OSTM1: variants seen among roughly 807,000 people sequenced by gnomAD.
The protein encoded by OSTM1 is osteoclastogenesis associated transmembrane protein 1, also known as osteopetrosis-associated transmembrane protein 1.
In OSTM1, 26 loss-of-function variants were observed where a neutral mutation model predicts 35.4. The ratio of observed to expected loss-of-function variants is 0.73; its 90% CI spans 0.54 to 1.02. The LOEUF (loss-of-function observed/expected upper bound fraction) is 1.02, where lower values mean the gene tolerates loss of function less well. Among genes scored for constraint, OSTM1 ranks in the 50% least tolerant of loss-of-function variants. The pLI, the probability that OSTM1 is intolerant of heterozygous loss-of-function variation, is 0.00. For synonymous variants in OSTM1, 181 were observed against 165.0 expected (o/e 1.10, Z -0.75); for missense variants, 366 against 409.6 (o/e 0.89, Z 0.92).
At chr6:108,056,693 C>T (rs1772174646) in intron 2 of OSTM1, among the ~76,000 whole-genome samples, 1 of 152,208 alleles carries the variant, frequency 6.6e-6, no homozygotes, top group African/African-American at 2.4e-5. Flanking sequence ...CCTTGTACAG[C>T]CCCCTTGTGC....
At chr6:108,065,194 A>C (rs1208345997) in intron 1 of OSTM1, among the ~76,000 whole-genome samples, 1 of 150,460 alleles carries the variant, frequency 6.6e-6, no homozygotes, top group East Asian at 2.0e-4. Context: ...TTTTAGAATT[A>C]CCTTCTGAGC....
chr6:108,074,486 C>G lies in OSTM1; in HGVS notation c.166G>C (p.Glu56Gln), dbSNP rs998450900. Residue 56 changes from glutamate to glutamine, a missense_variant, in exon 1 of 6, where the codon GAG (glutamate) becomes CAG (glutamine). Around this residue, in one of 3 missense-constraint regions of OSTM1, gnomAD observed 236 missense variants for 239.3 expected, o/e 0.99. Coordinates refer to ENST00000193322, the MANE Select transcript of OSTM1 (RefSeq NM_014028.4). ...LLSEQQLLEV[E>Q]DLSLSLLQGG... is the part of the protein sequence containing the mutation. Reference sequence around the variant, plus strand: ...TGCAGGAGGGACAGGGACAAGTCCTCCACCTCCAGCAACTGCTGCTCCGAC... The same window carrying G: ...TGCAGGAGGGACAGGGACAAGTCCTGCACCTCCAGCAACTGCTGCTCCGAC... The G allele has an allele frequency of 2.6e-6, 4 of 1,558,018 alleles. No individual in the cohort carries two copies. The highest frequency in any genetic ancestry group is 3.5e-6 in the Non-Finnish European group (4 of 1,151,624).
chr6:108,044,629 A>G lies in OSTM1; in HGVS notation c.*156T>C, dbSNP rs1023741624. The G allele has an allele frequency of 2.7e-5, 14 of 510,842 alleles. No individual in the cohort carries two copies. The Middle Eastern group carries it at 1.0e-3, about 37-fold the overall frequency. 31.6% of individuals were successfully genotyped at this position (510,842 alleles called of 1,614,324 possible). A position where few individuals can be genotyped will look rare whatever the true frequency, so the allele number is the denominator to read the frequency against. On this transcript the variant is annotated 3_prime_UTR_variant, in exon 6 of 6. Coordinates refer to ENST00000193322, the MANE Select transcript of OSTM1 (RefSeq NM_014028.4). ...TCTGTTAGAAAGAAGTGGAAAAGGA[A>G]AGAAAAATCGAAAATTCTTATTTAA...
chr6:108,054,575 T>A lies in OSTM1; in HGVS notation c.530A>T (p.Asn177Ile), dbSNP rs1772138177. 1 of 1,524,174 alleles carries A rather than the reference T, an allele frequency of 6.6e-7. No homozygotes were observed. The highest frequency in any genetic ancestry group is 1.7e-5 in the Admixed American group (1 of 59,694). 94.4% of individuals were successfully genotyped at this position (1,524,174 alleles called of 1,614,324 possible). A position where few individuals can be genotyped will look rare whatever the true frequency, so the allele number is the denominator to read the frequency against. Residue 177 changes from asparagine (N) to isoleucine (I), a missense_variant, in exon 3 of 6, where the codon AAC (asparagine) becomes ATC (isoleucine). This residue lies in a region of OSTM1 where 236 missense variants were observed against 239.3 expected (regional missense o/e 0.99). Transcript: ENST00000193322. ...QEANCANCLT[N>I]NSEELSNSTV... ...GCTGTTTGATAATTCTTCACTGTTG[T>A]TTGTTAAACAATCTGTCAAAAAAAT...
At chr6:108,052,414 CAG>C (rs1435734530) in intron 3 of OSTM1, among the ~76,000 whole-genome samples, 2 of 135,246 alleles carry the variant, frequency 1.5e-5, no homozygotes, top group Non-Finnish European at 3.0e-5. Flanking sequence ...GCCCGGGTGA[CAG>C]AGCGAGACTC....
chr6:108,061,797 C>T (rs1462429289), intron 2 of OSTM1, among the ~76,000 whole-genome samples: 1 of 151,942 alleles, frequency 6.6e-6, no homozygotes, highest in Non-Finnish European at 1.5e-5. Flanking sequence ...ACCATCTTGT[C>T]CTCCTGAAGT....
intron 1 of OSTM1, among the ~76,000 whole-genome samples, chr6:108,064,641 T>C (rs1376546965): frequency 6.6e-6 from 1 of 152,224 alleles, no homozygotes; most frequent in Non-Finnish European, 1.5e-5. Context: ...CTTATCTATT[T>C]CCTTTCCTTC....
intron 5 of OSTM1, among the ~76,000 whole-genome samples, chr6:108,047,226 C>T (rs985481386): frequency 3.9e-5 from 6 of 152,140 alleles, no homozygotes; most frequent in Admixed American, 2.6e-4. Flanking sequence ...GAGCAAGTAA[C>T]TTTAGAGCTA....
At chr6:108,057,925 CTAA>C (rs1487836624) in intron 2 of OSTM1, among the ~76,000 whole-genome samples, 1 of 151,858 alleles carries the variant, frequency 6.6e-6, no homozygotes, top group Non-Finnish European at 1.5e-5. Context: ...CCTTTAAGCA[CTAA>C]GTGAAGTGGT....
intron 1 of OSTM1, among the ~76,000 whole-genome samples, chr6:108,069,335 GAC>G (rs1443281401): frequency 2.6e-5 from 4 of 152,120 alleles, no homozygotes; most frequent in African/African-American, 9.7e-5. Flanking sequence ...TCTAATGAAA[GAC>G]ACAGATTATT....
At chr6:108,045,785 C>T (rs1276011630) in intron 5 of OSTM1, among the ~76,000 whole-genome samples, 1 of 151,996 alleles carries the variant, frequency 6.6e-6, no homozygotes, top group Non-Finnish European at 1.5e-5. Flanking sequence ...TTCTCATGTT[C>T]TAGAAATGAA....
At position 108,044,695 on chromosome 6, in the gene OSTM1, T is replaced by A; in HGVS notation, c.*90A>T. The A allele has an allele frequency of 1.3e-6, 1 of 763,310 alleles. No homozygotes were observed. The highest frequency in any genetic ancestry group is 2.3e-6 in the Non-Finnish European group (1 of 430,490). 47.3% of individuals were successfully genotyped at this position (763,310 alleles called of 1,614,324 possible). The stretch of plus-strand genomic sequence containing the variant: ...CCTTGTATTTCTTAAGAGCTTGACT[T>A]GTCAAATCACAGTTTATCTTCTTTC... On this transcript the variant is annotated 3_prime_UTR_variant, in exon 6 of 6. Coordinates refer to ENST00000193322, the MANE Select transcript of OSTM1 (RefSeq NM_014028.4).
Position 108,074,613 on chromosome 6 carries a change from C to A in OSTM1, c.39G>T (p.Ser13=), listed in dbSNP as rs763276965. 21 of 1,564,502 alleles carry A rather than the reference C, an allele frequency of 1.3e-5. No homozygotes were observed. In the Admixed American group the frequency reaches 2.9e-4, roughly 22 times the overall value. The change falls in exon 1 of 6, where the codon TCG becomes TCT. Residue 13 remains serine (S), a synonymous_variant. Transcript: ENST00000193322. ...GCCCCAGCGGCAGCCACGGCGGCAACGAACACCTCCGCTGCGCGGCTGTCG... is the reference window on the plus strand; with the variant it reads ...GCCCCAGCGGCAGCCACGGCGGCAAAGAACACCTCCGCTGCGCGGCTGTCG... ...PGPTAAQRRC[S]LPPWLPLGLL...
At chr6:108,063,971 T>A (rs1369242100) in intron 2 of OSTM1, among the ~76,000 whole-genome samples, 2 of 152,204 alleles carry the variant, frequency 1.3e-5, no homozygotes, top group Non-Finnish European at 1.5e-5. Flanking sequence ...CCCAAGTCTA[T>A]CTAAATCCAA....
At chr6:108,045,558 T>C (rs1771952523) in intron 5 of OSTM1, among the ~76,000 whole-genome samples, 1 of 150,742 alleles carries the variant, frequency 6.6e-6, no homozygotes, top group Admixed American at 6.6e-5. Flanking sequence ...TGTATATTAT[T>C]ATGGAACTCT....
At chr6:108,068,815 G>A (rs956029325) in intron 1 of OSTM1, among the ~76,000 whole-genome samples, 12 of 151,808 alleles carry the variant, frequency 7.9e-5, no homozygotes, top group African/African-American at 2.7e-4. Flanking sequence ...TTTCACTAAC[G>A]TCATACTGCT....
At chr6:108,073,721 G>A in intron 1 of OSTM1, 1 of 160,650 alleles carries the variant, frequency 6.2e-6, no homozygotes, top group Admixed American at 6.0e-5. Flanking sequence ...GAAGTCACAG[G>A]CAATATCTCT....
chr6:108,050,645 G>A (rs1313011040), intron 4 of OSTM1, among the ~76,000 whole-genome samples: 1 of 152,110 alleles, frequency 6.6e-6, no homozygotes, highest in East Asian at 1.9e-4. Flanking sequence ...TACAGGTGTA[G>A]TCACCGTGCC....
chr6:108,047,548 G>A (rs530180319), intron 5 of OSTM1, among the ~76,000 whole-genome samples: 11 of 152,356 alleles, frequency 7.2e-5, no homozygotes, highest in East Asian at 5.8e-4. Context: ...ACTATGTGGC[G>A]TATGGATTTT....
Sources: allele counts gnomAD v4.1 joint callset (sites outside exome capture counted in the v4.1 genomes callset), GRCh38; gene constraint gnomAD v4.1.1; regional missense constraint gnomAD v4.1.1; transcripts MANE v1.5; gene names NCBI Gene and HGNC (gene_info 2026-07-23, HGNC 2026-07-21).